The following DIAPH2 variants were observed in gnomAD, a reference collection of about 807,000 sequenced individuals.
The protein encoded by DIAPH2 is diaphanous related formin 2.
DIAPH2 carries 35 observed loss-of-function variants against 92.7 expected under a neutral mutation model. That is an observed-to-expected ratio of 0.38 (90% CI 0.29 to 0.50). The LOEUF (loss-of-function observed/expected upper bound fraction) is 0.50. Ranked by LOEUF, DIAPH2 falls within the 20% of genes least tolerant of loss-of-function variation. The pLI is 0.94. For missense variants in DIAPH2, 701 were observed against 819.5 expected (o/e 0.86, Z 1.77); for synonymous variants, 301 against 280.4 (o/e 1.07, Z -0.73).
intron 23 of DIAPH2, among the ~76,000 whole-genome samples, chrX:97,248,726 G>A (rs190744971): frequency 5.4e-5 from 6 of 111,717 alleles, no homozygotes; most frequent in African/African-American, 1.9e-4. Flanking sequence ...CTATTTGGCA[G>A]TCACCTTGTT....
In DIAPH2 at chrX:97,553,776, G is replaced by C. The variant is rs144283436; in HGVS notation, c.3242-45477G>C. 8.4e-3 allele frequency among the ~76,000 whole-genome samples: 929 copies of C among 110,472 alleles called. 16 individuals are homozygous for C. Among genetic ancestry groups the C allele is most frequent in the African/African-American group, 0.029 (880 of 30,423 alleles). ...GCTTAAGGCCTAACTCAAATGATAA[G>C]CAGTAGATTTTATGGCAATGGTGCC... On this transcript the variant is annotated intron_variant, in intron 26 of 26. Transcript: ENST00000324765.
intron 7 of DIAPH2, among the ~76,000 whole-genome samples, chrX:96,916,189 C>A: frequency 9.0e-6 from 1 of 110,813 alleles, no homozygotes; most frequent in East Asian, 2.8e-4. Flanking sequence ...TCCCATATTT[C>A]TCCAAATTTA....
chrX:97,119,714 G>A (rs2067041733), intron 21 of DIAPH2, among the ~76,000 whole-genome samples: 1 of 111,645 alleles, frequency 9.0e-6, no homozygotes, highest in Admixed American at 9.4e-5. Flanking sequence ...CTCTCCTTGG[G>A]TGGGTCTTGT....
In DIAPH2 at chrX:97,096,316, T is replaced by A. The variant is rs1054518718; in HGVS notation, c.2248-3378T>A. Among the ~76,000 whole-genome samples the A allele has an allele frequency of 1.1e-4, 12 of 111,540 alleles. No individual in the cohort carries two copies. The Admixed American group carries it at 1.1e-3, about 11-fold the overall frequency. On this transcript the variant is annotated intron_variant, in intron 19 of 26. Coordinates refer to ENST00000324765, the MANE Select transcript of DIAPH2 (RefSeq NM_006729.5). ...ATTTTAATTTTTTTTAAGTACAGAG[T>A]TTTGGGGCAATATGAATCTAACAAT...
At chrX:97,547,672 G>A in intron 26 of DIAPH2, among the ~76,000 whole-genome samples, 1 of 111,990 alleles carries the variant, frequency 8.9e-6, no homozygotes, top group East Asian at 2.8e-4. Flanking sequence ...TTCAGTTTAT[G>A]GCATTCCAAC....
chrX:97,491,367 T>C (rs1034801952), intron 26 of DIAPH2, among the ~76,000 whole-genome samples: 1 of 112,043 alleles, frequency 8.9e-6, no homozygotes, highest in African/African-American at 3.2e-5. Flanking sequence ...ATTCTGCCAC[T>C]CTGTGTCTTT....
At chrX:96,852,951 A>C (rs1018983939) in intron 4 of DIAPH2, among the ~76,000 whole-genome samples, 1 of 111,610 alleles carries the variant, frequency 9.0e-6, no homozygotes, top group Non-Finnish European at 1.9e-5. Context: ...CTGATTTTCA[A>C]AATAACCCAC....
intron 4 of DIAPH2, among the ~76,000 whole-genome samples, chrX:96,824,494 AAAC>A (rs1242833906): frequency 2.7e-5 from 3 of 111,187 alleles, no homozygotes; most frequent in Non-Finnish European, 5.7e-5. Context: ...TAAAAAAAAA[AAAC>A]AAATAAATGC....
chrX:96,887,495 T>A (rs1038342281), intron 5 of DIAPH2, among the ~76,000 whole-genome samples: 1 of 110,991 alleles, frequency 9.0e-6, no homozygotes, highest in African/African-American at 3.3e-5. Context: ...CCACCCAAGG[T>A]TTTTTCCTAT....
chrX:97,356,721 A>G (rs2069271041), intron 24 of DIAPH2, among the ~76,000 whole-genome samples: 1 of 111,243 alleles, frequency 9.0e-6, no homozygotes, highest in South Asian at 3.8e-4. Flanking sequence ...GCTAAATATC[A>G]TATCATAGGG....
At chrX:97,124,860 G>A (rs905134040) in intron 21 of DIAPH2, among the ~76,000 whole-genome samples, 1 of 111,432 alleles carries the variant, frequency 9.0e-6, no homozygotes, top group Non-Finnish European at 1.9e-5. Context: ...GTAATGCCTC[G>A]TTATTATACA....
intron 15 of DIAPH2, among the ~76,000 whole-genome samples, chrX:96,952,028 A>G (rs941399294): frequency 1.8e-5 from 2 of 111,880 alleles, no homozygotes; most frequent in Non-Finnish European, 3.8e-5. Flanking sequence ...GAAAAATATC[A>G]TGTCATACAC....
In DIAPH2 at chrX:96,684,862, CA is replaced by C; in HGVS notation, c.-195del. ...GGCTTGCCCCAGCGCCGAGTAGTGG[CA>C]ACGGCGTGGTTGCGTCGGGGGTGCC... On this transcript the variant is annotated 5_prime_UTR_variant, in exon 1 of 27. Coordinates refer to ENST00000324765, the MANE Select transcript of DIAPH2 (RefSeq NM_006729.5). 2.6e-6 allele frequency: 1 copy of C among 389,231 alleles called. No homozygotes were observed. Among genetic ancestry groups the C allele is most frequent in the Non-Finnish European group, 3.9e-6 (1 of 256,679 alleles). The allele number at this position is 389,231 out of a possible 1,213,427, so 32.1% of individuals were successfully genotyped here. A position where few individuals can be genotyped will look rare whatever the true frequency, so the allele number is the denominator to read the frequency against.
intron 17 of DIAPH2, among the ~76,000 whole-genome samples, chrX:97,038,516 A>T (rs745813854): frequency 1.0e-4 from 11 of 106,245 alleles, no homozygotes; most frequent in African/African-American, 3.1e-4. Flanking sequence ...CCATGCCAGC[A>T]TCTATTGTTT....
chrX:97,003,741 G>A (rs5967300), intron 17 of DIAPH2, among the ~76,000 whole-genome samples: 33,549 of 110,459 alleles, frequency 0.3, 4,613 homozygotes, highest in South Asian at 0.52. Flanking sequence ...GATATTTCCT[G>A]CCATCCTGTG....
intron 25 of DIAPH2, among the ~76,000 whole-genome samples, chrX:97,416,723 T>G (rs1355675888): frequency 8.9e-6 from 1 of 112,211 alleles, no homozygotes; most frequent in African/African-American, 3.2e-5. Context: ...ACCATGCAGC[T>G]GCTGAAACCT....
At chrX:96,913,904 C>T (rs1023141633) in intron 7 of DIAPH2, among the ~76,000 whole-genome samples, 3 of 109,941 alleles carry the variant, frequency 2.7e-5, no homozygotes. Flanking sequence ...TTAGAAATGA[C>T]CTCTTCATAC....
At chrX:97,133,309 C>T (rs1042715670) in intron 21 of DIAPH2, among the ~76,000 whole-genome samples, 6 of 109,637 alleles carry the variant, frequency 5.5e-5, no homozygotes, top group East Asian at 2.9e-4. Context: ...TTCTTTGAGA[C>T]GGAGTTTCGC....
chrX:97,130,998 C>T (rs1038748129), intron 21 of DIAPH2, among the ~76,000 whole-genome samples: 3 of 109,858 alleles, frequency 2.7e-5, no homozygotes, highest in Non-Finnish European at 5.7e-5. Flanking sequence ...CACAGCTACT[C>T]GGGAGGCTGA....
Sources: gnomAD v4.1 joint callset for allele counts (sites outside exome capture counted in the v4.1 genomes callset) on GRCh38, gnomAD v4.1.1 for gene constraint, MANE v1.5 for transcripts, NCBI Gene and HGNC (gene_info 2026-07-23, HGNC 2026-07-21) for gene names.